The following C13orf46 variants were observed in gnomAD, a reference collection of about 807,000 sequenced individuals.
The protein encoded by C13orf46 is uncharacterized protein C13orf46.
chr13:113,971,901 G>A (rs550894976), intron 1 of C13orf46, among the ~76,000 whole-genome samples: 16 of 152,336 alleles, frequency 1.1e-4, no homozygotes, highest in African/African-American at 3.6e-4. Flanking sequence ...AGTTGTCTGG[G>A]GGCAGCCACA....
chr13:113,967,137 G>A (rs1298467947), intron 5 of C13orf46, among the ~76,000 whole-genome samples: 1 of 152,134 alleles, frequency 6.6e-6, no homozygotes, highest in Admixed American at 6.5e-5. Context: ...TTGGAGTGTG[G>A]GAGGGTAAGG....
At chr13:113,929,962 A>G in the C13orf46 span, among the ~76,000 whole-genome samples, 1 of 152,222 alleles carries the variant, frequency 6.6e-6, no homozygotes, top group East Asian at 1.9e-4. Context: ...CAGGCCTGGG[A>G]GCAGCAGCCA....
chr13:113,940,287 C>T, the C13orf46 span, among the ~76,000 whole-genome samples: 5 of 152,258 alleles, frequency 3.3e-5, no homozygotes, highest in Admixed American at 6.5e-5. Context: ...GCGGTGCTGC[C>T]GCCAAGCCCC....
chr13:113,963,619 T>C (rs2052610063), intron 6 of C13orf46, among the ~76,000 whole-genome samples: 6 of 122,418 alleles, frequency 4.9e-5, no homozygotes. Context: ...GTCCTTGTCC[T>C]CAGCCACAGC....
At chr13:113,940,197 G>T in the C13orf46 span, among the ~76,000 whole-genome samples, 1 of 152,256 alleles carries the variant, frequency 6.6e-6, no homozygotes, top group Non-Finnish European at 1.5e-5. Flanking sequence ...GGGGAAGGAA[G>T]AGTGTGCAGC....
intron 6 of C13orf46, among the ~76,000 whole-genome samples, chr13:113,959,769 ATCTC>A (rs1377105432): frequency 2.0e-5 from 3 of 152,366 alleles, no homozygotes; most frequent in Non-Finnish European, 4.4e-5. Context: ...TGTCCAAGTT[ATCTC>A]TCTTTTTATC....
the C13orf46 span, chr13:113,928,000 C>G: frequency 5.0e-6 from 1 of 199,916 alleles, no homozygotes; most frequent in Non-Finnish European, 1.0e-5. Context: ...CTGCGGTAAC[C>G]CACAAAACTC....
the C13orf46 span, chr13:113,927,947 T>C: frequency 2.8e-5 from 7 of 252,568 alleles, no homozygotes; most frequent in South Asian, 1.2e-3. Flanking sequence ...CGTTATGCAA[T>C]GCTCAGGCCA....
intron 5 of C13orf46, among the ~76,000 whole-genome samples, chr13:113,966,981 C>T (rs2052656567): frequency 6.6e-6 from 1 of 152,250 alleles, no homozygotes; most frequent in South Asian, 2.1e-4. Context: ...ACCACACATC[C>T]ACCAAAGCCC....
intron 6 of C13orf46, among the ~76,000 whole-genome samples, chr13:113,964,614 C>T (rs918755601): frequency 9.2e-5 from 14 of 152,346 alleles, no homozygotes; most frequent in Non-Finnish European, 2.1e-4. Flanking sequence ...TTCCTCCCTA[C>T]TCTCCCTCCT....
At chr13:113,953,284 C>A (rs956683785), downstream of C13orf46, among the ~76,000 whole-genome samples, 2 of 152,108 alleles carry the variant, frequency 1.3e-5, no homozygotes, top group Admixed American at 1.3e-4. Context: ...ACGGAAATCT[C>A]CCTGAGGTAG....
rs1220478796 is a variant in C13orf46 at position 113,953,711 on chromosome 13, C to T, written c.*3062G>A. On this transcript the variant is annotated 3_prime_UTR_variant, in exon 7 of 7. Coordinates refer to ENST00000636427, the MANE Select transcript of C13orf46 (RefSeq NM_001365455.2). ...CAGGACGAATACACGGGTGGACAGA[C>T]TCATGCCGATGTTTGCTCTGTGGGG... The T allele has an allele frequency of 1.3e-5, 2 of 152,290 alleles. No individual in the cohort carries two copies. The highest frequency in any genetic ancestry group is 4.8e-5 in the African/African-American group (2 of 41,464). 9.4% of individuals were successfully genotyped at this position (152,290 alleles called of 1,614,324 possible). A position where few individuals can be genotyped will look rare whatever the true frequency, so the allele number is the denominator to read the frequency against.
Position 113,954,034 on chromosome 13 carries a change from G to A in C13orf46, c.*2739C>T, listed in dbSNP as rs1318296064. 6.6e-6 allele frequency: 1 copy of A among 152,340 alleles called. No homozygotes were observed. 9.4% of individuals were successfully genotyped at this position (152,340 alleles called of 1,614,324 possible). A position where few individuals can be genotyped will look rare whatever the true frequency, so the allele number is the denominator to read the frequency against. On this transcript the variant is annotated 3_prime_UTR_variant, in exon 7 of 7. Transcript: ENST00000636427. ...CCTTTCTCTCTGCAGCCTGGATGGT[G>A]CCCCACTTTGATCAGAGGAAACTAC...
At position 113,954,871 on chromosome 13, in the gene C13orf46, G is replaced by GGAGGAGCATCTGGCAGAGAC. The variant is rs2052508904; in HGVS notation, c.*1882_*1901dup. On this transcript the variant is annotated 3_prime_UTR_variant, in exon 7 of 7. Transcript: ENST00000636427. ...GGAGATGAGGAGCATCTCGTGGGGA[G>GGAGGAGCATCTGGCAGAGAC]GAGGAGCATCTGGCAGAGACGAGGA... is the stretch of plus-strand genomic sequence containing the variant. 1 of 183,330 alleles carries GGAGGAGCATCTGGCAGAGAC rather than the reference G, an allele frequency of 5.5e-6. No homozygotes were observed. Among genetic ancestry groups the GGAGGAGCATCTGGCAGAGAC allele is most frequent in the Non-Finnish European group, 1.1e-5 (1 of 89,142 alleles). The allele number at this position is 183,330 out of a possible 1,614,324, so 11.4% of individuals were successfully genotyped here.
At chr13:113,933,775 G>T in the C13orf46 span, among the ~76,000 whole-genome samples, 1 of 152,238 alleles carries the variant, frequency 6.6e-6, no homozygotes, top group East Asian at 1.9e-4. Context: ...AAAAGTTGCC[G>T]AATAGTACAG....
At chr13:113,970,853 G>A (rs925276815) in intron 1 of C13orf46, among the ~76,000 whole-genome samples, 23 of 152,186 alleles carry the variant, frequency 1.5e-4, no homozygotes, top group Admixed American at 1.3e-4. Context: ...TCGGGTGAGC[G>A]GTGCTCTGGT....
chr13:113,972,542 G>A (rs993786261), intron 1 of C13orf46, among the ~76,000 whole-genome samples: 2 of 152,182 alleles, frequency 1.3e-5, no homozygotes, highest in Admixed American at 6.5e-5. Flanking sequence ...CAGCCCCTCA[G>A]CCCTGTGCTC....
chr13:113,961,969 G>A (rs1203419366), intron 6 of C13orf46, among the ~76,000 whole-genome samples: 7 of 152,236 alleles, frequency 4.6e-5, no homozygotes, highest in African/African-American at 1.7e-4. Context: ...TGCGTGATCT[G>A]TGGCCCCTCT....
Position 113,954,145 on chromosome 13 carries a change from T to C in C13orf46, c.*2628A>G, listed in dbSNP as rs1230978546. 1.3e-5 allele frequency: 2 copies of C among 152,254 alleles called. No homozygotes were observed. Among genetic ancestry groups the C allele is most frequent in the African/African-American group, 2.4e-5 (1 of 41,468 alleles). The allele number at this position is 152,254 out of a possible 1,614,324, so 9.4% of individuals were successfully genotyped here. A position where few individuals can be genotyped will look rare whatever the true frequency, so the allele number is the denominator to read the frequency against. ...TGAGTGATGGGCAGAGCTCACCCTC[T>C]GGGAGCCTCTGCATTATCATGTGCA... On this transcript the variant is annotated 3_prime_UTR_variant, in exon 7 of 7. Coordinates refer to ENST00000636427, the MANE Select transcript of C13orf46 (RefSeq NM_001365455.2).
Sources: gnomAD v4.1 joint callset for allele counts (sites outside exome capture counted in the v4.1 genomes callset) on GRCh38, gnomAD v4.1.1 for gene constraint, MANE v1.5 for transcripts, NCBI Gene and HGNC (gene_info 2026-07-23, HGNC 2026-07-21) for gene names.